Variants in STAG3 observed in about 807,000 individuals in gnomAD.
The protein encoded by STAG3 is cohesin subunit SA-3.
STAG3 carries 101 observed loss-of-function variants against 160.7 expected under a neutral mutation model. The ratio of observed to expected loss-of-function variants is 0.63; its 90% CI spans 0.54 to 0.74. The LOEUF is 0.74. Among genes scored for constraint, STAG3 ranks in the 30% least tolerant of loss-of-function variants. The pLI, the probability that STAG3 is intolerant of heterozygous loss-of-function variation, is 0.00. For missense variants in STAG3, 1,188 were observed against 1,517.4 expected (o/e 0.78, Z 3.61); for synonymous variants, 519 against 585.0 (o/e 0.89, Z 1.63).
At chr7:100,179,510 C>T (rs1461182923) in intron 1 of STAG3, among the ~76,000 whole-genome samples, 1 of 151,954 alleles carries the variant, frequency 6.6e-6, no homozygotes, top group Non-Finnish European at 1.5e-5. Context: ...CAAGTATGAT[C>T]TACCACACCC....
At position 100,201,321 on chromosome 7, in the gene STAG3, G is replaced by A; in HGVS notation, c.2190G>A (p.Lys730=). 6.2e-7 allele frequency: 1 copy of A among 1,614,164 alleles called. No individual in the cohort carries two copies. Among genetic ancestry groups the A allele is most frequent in the Non-Finnish European group, 8.5e-7 (1 of 1,180,016 alleles). ...LYEPCCQLLQ[K]AVDTGEVPHQ... ...AGCCATGTTGCCAACTCCTGCAGAA[G>A]GCTGTGGACACAGGAGAGGTTCCTC... The change falls in exon 21 of 34, where the codon AAG becomes AAA. Residue 730 remains lysine (K), a synonymous_variant. Coordinates refer to ENST00000615138, the MANE Select transcript of STAG3 (RefSeq NM_001282717.2).
At chr7:100,203,635 C>G (rs1290377521) in intron 25 of STAG3, among the ~76,000 whole-genome samples, 1 of 152,124 alleles carries the variant, frequency 6.6e-6, no homozygotes, top group Non-Finnish European at 1.5e-5. Flanking sequence ...CTGCCTCAGC[C>G]TCCCGAGTAG....
intron 4 of STAG3, among the ~76,000 whole-genome samples, chr7:100,184,135 G>A (rs1296507425): frequency 5.9e-5 from 9 of 151,954 alleles, no homozygotes; most frequent in African/African-American, 2.2e-4. Flanking sequence ...ATGTGGTGGC[G>A]TTTGTCTGTA....
At chr7:100,195,714 G>A (rs764853091) in intron 9 of STAG3, among the ~76,000 whole-genome samples, 18 of 152,192 alleles carry the variant, frequency 1.2e-4, no homozygotes, top group Non-Finnish European at 2.1e-4. Flanking sequence ...ATAGAAAGGC[G>A]GGGCTTTTCT....
At position 100,207,343 on chromosome 7, in the gene STAG3, A is replaced by G. The variant is rs1801748125; in HGVS notation, c.3238+1959A>G. Among the ~76,000 whole-genome samples the G allele has an allele frequency of 6.6e-6, 1 of 152,208 alleles. No homozygotes were observed. Among genetic ancestry groups the G allele is most frequent in the African/African-American group, 2.4e-5 (1 of 41,448 alleles). On this transcript the variant is annotated intron_variant, in intron 29 of 33. Transcript: ENST00000615138. This position sits in a 1 kb window ranked among gnomAD's most constrained non-coding sequence, Gnocchi z 4.0. Reference sequence around the variant, plus strand: ...CAGTTTACAATCCTACCAGCAATGTATGGGGACTCTGGTTTCTCCATGTTG... The same window carrying G: ...CAGTTTACAATCCTACCAGCAATGTGTGGGGACTCTGGTTTCTCCATGTTG...
At chr7:100,209,934 A>G (rs1317653148) in intron 29 of STAG3, among the ~76,000 whole-genome samples, 1 of 152,268 alleles carries the variant, frequency 6.6e-6, no homozygotes. Context: ...TGGCCACAGG[A>G]TTACAGGTGG....
At chr7:100,214,935 T>C (rs1802631079), downstream of STAG3, 1 of 152,114 alleles carries the variant, frequency 6.6e-6, no homozygotes, top group Admixed American at 6.5e-5. Flanking sequence ...TTCTCTGGCC[T>C]ATGTCCTCCA....
At chr7:100,198,708 C>A in intron 13 of STAG3, 126 bp downstream of exon 13, 1 of 1,236,068 alleles carries the variant, frequency 8.1e-7, no homozygotes, top group Non-Finnish European at 1.2e-6. Flanking sequence ...TTTCTTCTCG[C>A]AGCTCCTTGG....
intron 29 of STAG3, among the ~76,000 whole-genome samples, chr7:100,210,542 C>T (rs1311862014): frequency 6.6e-6 from 1 of 152,168 alleles, no homozygotes; most frequent in East Asian, 1.9e-4. Flanking sequence ...CCTCCCTGGC[C>T]CTCATTTGTC....
Position 100,201,384 on chromosome 7 carries a change from TG to T in STAG3, c.2220+39del, listed in dbSNP as rs1194062781. 18 of 1,597,456 alleles carry T rather than the reference TG, an allele frequency of 1.1e-5. No homozygotes were observed. In the South Asian group the frequency reaches 1.9e-4, roughly 17 times the overall value. ...GACAGGCTAGAGATGGGTTGGGGGC[TG>T]GGGGGCTAGATTTTAAGGACCTACG... On this transcript the variant is annotated intron_variant, in intron 21 of 33. Coordinates refer to ENST00000615138, the MANE Select transcript of STAG3 (RefSeq NM_001282717.2).
rs767710959 is a variant in STAG3, at chr7:100,202,232, C to T, written c.2455C>T (p.Arg819Cys). The change falls in exon 24 of 34, where the codon CGT becomes TGT. Residue 819 changes from arginine (R) to cysteine (C), a missense_variant. By Grantham distance (180) the Arg-to-Cys change is radical. Coordinates refer to ENST00000615138, the MANE Select transcript of STAG3 (RefSeq NM_001282717.2). ...IFSPQMIVGGRDFLRPLVFFP... is the reference protein window; with the variant it reads ...IFSPQMIVGGCDFLRPLVFFP... ...TAGCCCTCAGATGATTGTTGGGGGCCGTGATTTCCTTAGGCCACTTGTCTT... is the reference window on the plus strand; with the variant it reads ...TAGCCCTCAGATGATTGTTGGGGGCTGTGATTTCCTTAGGCCACTTGTCTT... 6 of 1,613,984 alleles carry T rather than the reference C, an allele frequency of 3.7e-6. No homozygotes were observed. Among genetic ancestry groups the T allele is most frequent in the Non-Finnish European group, 4.2e-6 (5 of 1,180,036 alleles).
chr7:100,210,860 T>A, intron 29 of STAG3, 151 bp from the exon 30 acceptor site: 1 of 797,198 alleles, frequency 1.3e-6, no homozygotes, highest in Admixed American at 2.6e-5. Context: ...CATAGGGCTA[T>A]GCCCATTTGA....
At chr7:100,211,239 G>C (rs1307486511) in intron 30 of STAG3, 54 bp downstream of exon 30, 3 of 1,530,328 alleles carry the variant, frequency 2.0e-6, no homozygotes, top group Non-Finnish European at 2.6e-6. Flanking sequence ...GTGTCTGGCT[G>C]CCTCCATCTT....
intron 8 of STAG3, among the ~76,000 whole-genome samples, chr7:100,194,164 C>T (rs1321739500): frequency 6.6e-6 from 1 of 151,970 alleles, no homozygotes; most frequent in African/African-American, 2.4e-5. Flanking sequence ...TCAGGCTGGT[C>T]TCGAACTGAC....
intron 32 of STAG3, 152 bp from the exon 33 acceptor site, chr7:100,213,583 T>C (rs1336765900): frequency 6.7e-7 from 1 of 1,482,300 alleles, no homozygotes; most frequent in African/African-American, 1.4e-5. Context: ...CTGATCCTGG[T>C]GCCCACACTG....
At chr7:100,193,939 C>CTTTTTTT (rs57044186) in intron 8 of STAG3, among the ~76,000 whole-genome samples, 1,362 of 121,780 alleles carry the variant, frequency 0.011, 5 homozygotes, top group East Asian at 0.027. Flanking sequence ...TTAATCATTT[C>CTTTTTTT]TTTTTTTTTT....
intron 25 of STAG3, among the ~76,000 whole-genome samples, chr7:100,203,433 G>C (rs1406991737): frequency 5.3e-5 from 8 of 151,938 alleles, no homozygotes; most frequent in Admixed American, 2.6e-4. Flanking sequence ...CGCCCAACTT[G>C]GCCTCCCAAA....
chr7:100,183,242 G>C (rs1039813068), intron 4 of STAG3, among the ~76,000 whole-genome samples: 3 of 152,166 alleles, frequency 2.0e-5, no homozygotes, highest in African/African-American at 7.2e-5. Flanking sequence ...TCCAACTTCT[G>C]ACCTCAGGTG....
chr7:100,190,923 T>C, intron 8 of STAG3, among the ~76,000 whole-genome samples: 1 of 152,208 alleles, frequency 6.6e-6, no homozygotes, highest in East Asian at 1.9e-4. Flanking sequence ...TTTGCTATTT[T>C]AGTGTAAAAT....
Sources: allele counts gnomAD v4.1 joint callset (sites outside exome capture counted in the v4.1 genomes callset), GRCh38; gene constraint gnomAD v4.1.1; non-coding constraint Gnocchi (gnomAD v3.1); transcripts MANE v1.5; gene names NCBI Gene and HGNC (gene_info 2026-07-23, HGNC 2026-07-21).